HEMK2: variants seen among roughly 807,000 people sequenced by gnomAD.
The protein encoded by HEMK2 is methyltransferase HEMK2.
chr21:28,578,309 T>C, the HEMK2 span, among the ~76,000 whole-genome samples: 8 of 152,184 alleles, frequency 5.3e-5, no homozygotes, highest in African/African-American at 1.9e-4. Context: ...AATTTTCCCT[T>C]CTCCTGCTCT....
At chr21:28,706,851 T>G in the HEMK2 span, among the ~76,000 whole-genome samples, 1 of 152,220 alleles carries the variant, frequency 6.6e-6, no homozygotes, top group African/African-American at 2.4e-5. Flanking sequence ...TCCTTATTGT[T>G]CTATGTACTG....
At chr21:28,788,200 G>A in the HEMK2 span, among the ~76,000 whole-genome samples, 5 of 111,916 alleles carry the variant, frequency 4.5e-5, no homozygotes, top group Admixed American at 9.1e-5. Context: ...ACGTATATAC[G>A]TATATATACG....
the HEMK2 span, among the ~76,000 whole-genome samples, chr21:28,679,299 G>A: frequency 2.0e-5 from 3 of 152,082 alleles, no homozygotes; most frequent in Non-Finnish European, 4.4e-5. Flanking sequence ...GACAAAGAAG[G>A]CCATTACATA....
the HEMK2 span, among the ~76,000 whole-genome samples, chr21:28,669,955 T>C: frequency 6.6e-6 from 1 of 152,180 alleles, no homozygotes. Context: ...ATTAAGGATA[T>C]ATACTACTAG....
the HEMK2 span, chr21:28,743,074 A>G: frequency 6.6e-6 from 1 of 152,202 alleles, no homozygotes; most frequent in African/African-American, 2.4e-5. Flanking sequence ...CGTTCACACA[A>G]ACACAGTCAC....
chr21:28,703,263 C>T, the HEMK2 span, among the ~76,000 whole-genome samples: 1 of 151,638 alleles, frequency 6.6e-6, no homozygotes, highest in Non-Finnish European at 1.5e-5. Context: ...ACCCTGGCAA[C>T]ACACAATTTA....
chr21:28,862,054 T>C, the HEMK2 span, among the ~76,000 whole-genome samples: 3 of 152,308 alleles, frequency 2.0e-5, no homozygotes, highest in South Asian at 6.2e-4. Flanking sequence ...AGAAGGGAGT[T>C]ACAGTGTTGG....
chr21:28,619,169 A>G, the HEMK2 span, among the ~76,000 whole-genome samples: 4 of 152,180 alleles, frequency 2.6e-5, no homozygotes, highest in African/African-American at 9.7e-5. Context: ...CGCAGCCCTC[A>G]GAAGGAAACA....
At chr21:28,689,162 A>G in the HEMK2 span, among the ~76,000 whole-genome samples, 1 of 152,232 alleles carries the variant, frequency 6.6e-6, no homozygotes. Flanking sequence ...TATCTTCTAA[A>G]AGCTATTGCC....
chr21:28,694,449 A>G, the HEMK2 span, among the ~76,000 whole-genome samples: 1 of 152,142 alleles, frequency 6.6e-6, no homozygotes, highest in African/African-American at 2.4e-5. Context: ...AGCTCTTAAA[A>G]TTCTTTAAAG....
At chr21:28,626,825 T>C in the HEMK2 span, 7 of 152,210 alleles carry the variant, frequency 4.6e-5, no homozygotes, top group Non-Finnish European at 8.8e-5. Context: ...ATTAAAATTG[T>C]AATGAGACAC....
chr21:28,790,547 C>T, the HEMK2 span, among the ~76,000 whole-genome samples: 295 of 151,894 alleles, frequency 1.9e-3, 4 homozygotes, highest in African/African-American at 6.9e-3. Context: ...ACAAGAATAC[C>T]CCAGGGCTGG....
chr21:28,729,167 A>C, the HEMK2 span, among the ~76,000 whole-genome samples: 1 of 152,224 alleles, frequency 6.6e-6, no homozygotes, highest in Non-Finnish European at 1.5e-5. Context: ...TCCCCAAAAT[A>C]ACATGGGCAG....
chr21:28,788,574 G>A, the HEMK2 span, among the ~76,000 whole-genome samples: 19 of 152,022 alleles, frequency 1.2e-4, no homozygotes, highest in East Asian at 2.3e-3. Context: ...ATGGTGCAGC[G>A]TATAACTGCT....
At chr21:28,586,579 C>G in the HEMK2 span, among the ~76,000 whole-genome samples, 1 of 152,218 alleles carries the variant, frequency 6.6e-6, no homozygotes, top group East Asian at 1.9e-4. Flanking sequence ...CGCCATGCCT[C>G]TGAGTTTCCT....
At chr21:28,690,326 T>A in the HEMK2 span, among the ~76,000 whole-genome samples, 2 of 152,122 alleles carry the variant, frequency 1.3e-5, no homozygotes, top group Admixed American at 1.3e-4. Flanking sequence ...CCTTGCAGCC[T>A]CAAGAAACTG....
chr21:28,779,738 C>T, the HEMK2 span, among the ~76,000 whole-genome samples: 1 of 152,134 alleles, frequency 6.6e-6, no homozygotes, highest in Admixed American at 6.5e-5. Context: ...CAGTTCTCAA[C>T]TTCTCAAGCA....
chr21:28,825,440 G>A, the HEMK2 span, among the ~76,000 whole-genome samples: 1 of 152,176 alleles, frequency 6.6e-6, no homozygotes, highest in Non-Finnish European at 1.5e-5. Context: ...TGGCACTAGG[G>A]AGCTAGCAGG....
At chr21:28,860,169 G>T in the HEMK2 span, among the ~76,000 whole-genome samples, 1 of 152,090 alleles carries the variant, frequency 6.6e-6, no homozygotes, top group African/African-American at 2.4e-5. Context: ...GAGTCACTGG[G>T]CTGGGAAAGG....
Sources: gnomAD v4.1 joint callset for allele counts (sites outside exome capture counted in the v4.1 genomes callset) on GRCh38, gnomAD v4.1.1 for gene constraint, MANE v1.5 for transcripts, NCBI Gene and HGNC (gene_info 2026-07-23, HGNC 2026-07-21) for gene names.